TRMT44: variants seen among roughly 807,000 people sequenced by gnomAD.
TRMT44 encodes the protein probable tRNA (uracil-O(2)-)-methyltransferase.
A neutral mutation model predicts 77.3 loss-of-function variants in TRMT44; 78 were observed. That is an observed-to-expected ratio of 1.01 (90% confidence interval 0.84 to 1.22). The LOEUF (loss-of-function observed/expected upper bound fraction) is 1.22, where lower values mean the gene tolerates loss of function less well. Ranked by LOEUF, TRMT44 falls within the 50% of genes most tolerant of loss-of-function variation. The probability of loss-of-function intolerance (pLI) is 0.00; values close to 1 mark genes in which losing one functional copy is unlikely to be tolerated. For missense variants in TRMT44, 1,090 were observed against 964.4 expected (o/e 1.13, Z -1.73); for synonymous variants, 391 against 383.3 (o/e 1.02, Z -0.23).
chr4:8,509,753 T>A, the TRMT44 span: 1 of 152,552 alleles, frequency 6.6e-6, no homozygotes. Context: ...GTTTGCTGCG[T>A]CCAGCGACCC....
chr4:8,498,950 C>A, the TRMT44 span, among the ~76,000 whole-genome samples: 2 of 152,108 alleles, frequency 1.3e-5, no homozygotes, highest in Non-Finnish European at 2.9e-5. This position sits in a 1 kb window ranked among gnomAD's most constrained non-coding sequence, Gnocchi z 4.3. Context: ...TACCCTTGAG[C>A]TGGAGCTTGA....
Position 8,449,697 on chromosome 4 carries a change from G to T in TRMT44, c.763G>T (p.Glu255Ter). The T allele has an allele frequency of 6.5e-7, 1 of 1,535,958 alleles. No homozygotes were observed. Among genetic ancestry groups the T allele is most frequent in the South Asian group, 1.2e-5 (1 of 84,036 alleles). ...CATATCTGTTTTAATTTTCTGTCCA[G>T]AAAGATGGCATTCAGATGGAATCGT... ...WFISVLIFCP[E>*]RWHSDGIVYP... The change falls in exon 3 of 11, where the codon GAA becomes TAA. Residue 255 changes from glutamate to a stop codon, truncating the protein, a stop_gained. Transcript: ENST00000389737. LOFTEE classifies it high-confidence loss of function.
At chr4:8,450,792 G>GTTTTTTT (rs59875098) in intron 3 of TRMT44, among the ~76,000 whole-genome samples, 38 of 96,678 alleles carry the variant, frequency 3.9e-4, no homozygotes, top group African/African-American at 1.3e-3. Flanking sequence ...TCATTTCCAT[G>GTTTTTTT]TTTTTTTTTT....
chr4:8,508,435 G>A, the TRMT44 span, among the ~76,000 whole-genome samples: 1 of 152,210 alleles, frequency 6.6e-6, no homozygotes, highest in African/African-American at 2.4e-5. Context: ...GCCCATGGGA[G>A]TCTCCAAGCC....
intron 8 of TRMT44, among the ~76,000 whole-genome samples, chr4:8,467,393 A>G (rs935282041): frequency 1.3e-5 from 2 of 152,190 alleles, no homozygotes; most frequent in Non-Finnish European, 2.9e-5. Flanking sequence ...AAGATCTAAC[A>G]ATGATGAGAG....
the TRMT44 span, among the ~76,000 whole-genome samples, chr4:8,502,404 A>C: frequency 6.6e-6 from 1 of 152,208 alleles, no homozygotes; most frequent in African/African-American, 2.4e-5. Flanking sequence ...AACTACAACG[A>C]ACTTAGTGGT....
chr4:8,501,268 T>C, the TRMT44 span, among the ~76,000 whole-genome samples: 2 of 152,232 alleles, frequency 1.3e-5, no homozygotes, highest in Admixed American at 1.3e-4. The surrounding 1 kb of genome is among the most constrained non-coding windows in gnomAD (Gnocchi z 4.4). Context: ...GGACCCCTGG[T>C]CCATCGGGGG....
At chr4:8,494,523 G>A (rs963384360), downstream of TRMT44, among the ~76,000 whole-genome samples, 1 of 152,212 alleles carries the variant, frequency 6.6e-6, no homozygotes, top group African/African-American at 2.4e-5. Flanking sequence ...ACAACTGTTT[G>A]TCTCTTAGCT....
intron 2 of TRMT44, among the ~76,000 whole-genome samples, chr4:8,491,033 G>A (rs981844651): frequency 6.6e-6 from 1 of 151,926 alleles, no homozygotes; most frequent in Non-Finnish European, 1.5e-5. Flanking sequence ...ATGCTGATTG[G>A]TGTGTTTACA....
intron 6 of TRMT44, among the ~76,000 whole-genome samples, chr4:8,458,697 C>T (rs537573428): frequency 1.3e-5 from 2 of 152,054 alleles, no homozygotes; most frequent in African/African-American, 4.8e-5. Flanking sequence ...TCAAGTGATC[C>T]ACCCACCTCG....
intron 1 of TRMT44, 94 bp downstream of exon 1, chr4:8,441,535 T>G: frequency 2.2e-6 from 3 of 1,375,174 alleles, no homozygotes; most frequent in Non-Finnish European, 2.9e-6. Flanking sequence ...TACTAGTTCC[T>G]CTGCGATGTC....
chr4:8,503,714 G>A, the TRMT44 span, among the ~76,000 whole-genome samples: 42 of 152,330 alleles, frequency 2.8e-4, 1 homozygote, highest in East Asian at 1.9e-3. Context: ...CAGAATTCCC[G>A]TCCAGAAGCT....
In TRMT44 at chr4:8,476,021, A is replaced by T. The variant is rs1484659754; in HGVS notation, c.*20A>T. The stretch of plus-strand genomic sequence containing the variant: ...TCATGAGCTGCATCCTTGCCAGCCG[A>T]GGCCTGGTTGGGGAGGCCAAACCAA... On this transcript the variant is annotated 3_prime_UTR_variant, in exon 11 of 11. Transcript: ENST00000389737. 6.2e-6 allele frequency: 10 copies of T among 1,610,092 alleles called. No individual in the cohort carries two copies. The highest frequency in any genetic ancestry group is 8.5e-6 in the Non-Finnish European group (10 of 1,177,448).
intron 10 of TRMT44, among the ~76,000 whole-genome samples, chr4:8,475,556 C>T (rs1382335730): frequency 2.0e-5 from 3 of 152,200 alleles, no homozygotes; most frequent in African/African-American, 7.2e-5. Flanking sequence ...CCGCAGGGCT[C>T]ACCTTCCCCG....
chr4:8,467,531 G>A (rs1726669510), intron 8 of TRMT44, among the ~76,000 whole-genome samples: 1 of 152,170 alleles, frequency 6.6e-6, no homozygotes, highest in South Asian at 2.1e-4. Context: ...CACCCAGGCT[G>A]GAGTGCATTG....
chr4:8,509,797 G>A, the TRMT44 span: 1 of 152,446 alleles, frequency 6.6e-6, no homozygotes, highest in African/African-American at 2.4e-5. Context: ...GACACAGCCG[G>A]GGGTGAGCCA....
chr4:8,510,693 GT>G, the TRMT44 span: 2 of 152,654 alleles, frequency 1.3e-5, no homozygotes, highest in Non-Finnish European at 2.9e-5. Context: ...AAAGCATTTG[GT>G]TTAGACGTGT....
intron 2 of TRMT44, among the ~76,000 whole-genome samples, chr4:8,483,030 G>A (rs926218078): frequency 6.6e-6 from 1 of 152,094 alleles, no homozygotes; most frequent in African/African-American, 2.4e-5. Flanking sequence ...CGTGGTAAGG[G>A]GTGATATTGT....
In TRMT44 at chr4:8,465,555, C is replaced by T; in HGVS notation, c.1488C>T (p.Thr496=). 6.2e-7 allele frequency: 1 copy of T among 1,611,712 alleles called. No individual in the cohort carries two copies. Among genetic ancestry groups the T allele is most frequent in the Non-Finnish European group, 8.5e-7 (1 of 1,178,832 alleles). ...AAGACTGCCTCAGGATTCCTTCAAC[C>T]AAAAGAGTATGTCTGATTCTCATGT... ...VDEDCLRIPS[T]KRVCLVGKSR... Residue 496 remains threonine (T), a synonymous_variant, in exon 8 of 11, where the codon ACC becomes ACT. Transcript: ENST00000389737.
Sources: gnomAD v4.1 joint callset for allele counts (sites outside exome capture counted in the v4.1 genomes callset) on GRCh38, gnomAD v4.1.1 for gene constraint, Gnocchi (gnomAD v3.1) non-coding constraint, MANE v1.5 for transcripts, NCBI Gene and HGNC (gene_info 2026-07-23, HGNC 2026-07-21) for gene names.